SNRPD2: variants seen among roughly 807,000 people sequenced by gnomAD.
The protein encoded by SNRPD2 is small nuclear ribonucleoprotein D2 polypeptide.
In SNRPD2, 1 loss-of-function variant was observed where a neutral mutation model predicts 11.5. That is an observed-to-expected ratio of 0.09 (90% CI 0.03 to 0.41). The LOEUF is 0.41. Ranked by LOEUF, SNRPD2 falls within the 10% of genes least tolerant of loss-of-function variation. The pLI, the probability that SNRPD2 is intolerant of heterozygous loss-of-function variation, is 0.98. For missense variants in SNRPD2, 77 were observed against 154.9 expected (o/e 0.50, Z 2.67); for synonymous variants, 63 against 61.5 (o/e 1.02, Z -0.12).
rs534591723 is a variant in SNRPD2, at chr19:45,688,731, C to T, written c.3-165G>A. Reference sequence around the variant, plus strand: ...TGAGTATCATCAGCTAGATGCCTAACAGACATTTTTTTTTTTTTTGAGACG... The same window carrying T: ...TGAGTATCATCAGCTAGATGCCTAATAGACATTTTTTTTTTTTTTGAGACG... On this transcript the variant is annotated intron_variant, in intron 1 of 2. Coordinates refer to ENST00000342669, the MANE Select transcript of SNRPD2 (RefSeq NM_001384647.1). This position sits in a 1 kb window ranked among gnomAD's most constrained non-coding sequence, Gnocchi z 4.1. Among the ~76,000 whole-genome samples, 1 of 151,878 alleles carries T rather than the reference C, an allele frequency of 6.6e-6. No homozygotes were observed. The highest frequency in any genetic ancestry group is 2.1e-4 in the South Asian group (1 of 4,792).
At chr19:45,692,013 A>C (rs1299887318), upstream of SNRPD2, 8 of 1,607,038 alleles carry the variant, frequency 5.0e-6, no homozygotes, top group South Asian at 5.5e-5. Context: ...CCAACCAGTA[A>C]GTGGAGGCGT....
chr19:45,688,246 G>A lies in SNRPD2; in HGVS notation c.182+141C>T, dbSNP rs147448305. On this transcript the variant is annotated intron_variant, in intron 2 of 2. Coordinates refer to ENST00000342669, the MANE Select transcript of SNRPD2 (RefSeq NM_001384647.1). This position sits in a 1 kb window ranked among gnomAD's most constrained non-coding sequence, Gnocchi z 4.1. The stretch of plus-strand genomic sequence containing the variant: ...GATCTACCCGCCTTGCCTTCCCAAA[G>A]TGCTGGGATTACAGGCATGAGCCAC... 2,902 of 685,766 alleles carry A rather than the reference G, an allele frequency of 4.2e-3. 65 individuals are homozygous for A. In the African/African-American group the frequency reaches 0.045, roughly 11 times the overall value. 42.5% of individuals were successfully genotyped at this position (685,766 alleles called of 1,614,324 possible).
chr19:45,692,221 T>C (rs900606014), upstream of SNRPD2: 4 of 406,464 alleles, frequency 9.8e-6, no homozygotes, highest in South Asian at 3.1e-5. Context: ...TATTTCCAAA[T>C]GCCCGCCGGC....
In SNRPD2 at chr19:45,688,362, A is replaced by C; in HGVS notation, c.182+25T>G. On this transcript the variant is annotated intron_variant, in intron 2 of 2. Coordinates refer to ENST00000342669, the MANE Select transcript of SNRPD2 (RefSeq NM_001384647.1). This position sits in a 1 kb window ranked among gnomAD's most constrained non-coding sequence, Gnocchi z 4.1. ...AGTGGCCTCTCCAGGCCTGCGGAGA[A>C]CACCTCCCAGGACCCAGCACTCACC... 7 of 1,610,330 alleles carry C rather than the reference A, an allele frequency of 4.3e-6. No individual in the cohort carries two copies. Among genetic ancestry groups the C allele is most frequent in the Non-Finnish European group, 5.9e-6 (7 of 1,176,932 alleles).
At chr19:45,691,649 G>A (rs1967557596) in intron 1 of SNRPD2, 7 of 587,876 alleles carry the variant, frequency 1.2e-5, no homozygotes, top group East Asian at 1.1e-4. Flanking sequence ...GGGATCACAG[G>A]AATGAGCCCC....
In SNRPD2 at chr19:45,687,589, G is replaced by A. The variant is rs759353268; in HGVS notation, c.321C>T (p.Ile107=). Reference sequence around the variant, plus strand: ...CGATGAGCGGGTTCCGCAGGACCACGATGACTGAGTCCCCGCGCAGGAACA... The same window carrying A: ...CGATGAGCGGGTTCCGCAGGACCACAATGACTGAGTCCCCGCGCAGGAACA... ...SKMFLRGDSV[I]VVLRNPLIAG... The change falls in exon 3 of 3, where the codon ATC becomes ATT. Residue 107 remains isoleucine, a synonymous_variant. Transcript: ENST00000342669. This position sits in a 1 kb window ranked among gnomAD's most constrained non-coding sequence, Gnocchi z 4.1. 17 of 1,614,108 alleles carry A rather than the reference G, an allele frequency of 1.1e-5. No homozygotes were observed. Among genetic ancestry groups the A allele is most frequent in the African/African-American group, 2.7e-5 (2 of 74,956 alleles).
At chr19:45,690,299 G>T (rs10413179) in intron 1 of SNRPD2, among the ~76,000 whole-genome samples, 105,122 of 137,500 alleles carry the variant, frequency 0.76, 40,271 homozygotes, top group Middle Eastern at 0.84. Flanking sequence ...GCCACTGCAC[G>T]CCAGCCTGGG....
intron 1 of SNRPD2, chr19:45,690,436 G>A (rs1967508509): frequency 6.6e-6 from 1 of 151,596 alleles, no homozygotes; most frequent in Non-Finnish European, 1.5e-5. Flanking sequence ...AGGAGACAGA[G>A]CTCGTGCTAC....
rs756391965 is a variant in SNRPD2 at position 45,687,745 on chromosome 19, G to T, written c.183-18C>A. The T allele has an allele frequency of 6.2e-7, 1 of 1,609,988 alleles. No individual in the cohort carries two copies. Among genetic ancestry groups the T allele is most frequent in the South Asian group, 1.1e-5 (1 of 90,966 alleles). ...TGCAGTGCCTGGTGGGGAACAGGGAGGGGAGGCACTGGGCGTGAGGGGCGT... is the reference window on the plus strand; with the variant it reads ...TGCAGTGCCTGGTGGGGAACAGGGATGGGAGGCACTGGGCGTGAGGGGCGT... On this transcript the variant is annotated intron_variant, in intron 2 of 2. Coordinates refer to ENST00000342669, the MANE Select transcript of SNRPD2 (RefSeq NM_001384647.1). This position sits in a 1 kb window ranked among gnomAD's most constrained non-coding sequence, Gnocchi z 4.1.
upstream of SNRPD2, chr19:45,692,212 A>G: frequency 2.3e-6 from 1 of 430,904 alleles, no homozygotes; most frequent in Non-Finnish European, 4.1e-6. Context: ...ATGACAAGCT[A>G]TTTCCAAATG....
At position 45,688,145 on chromosome 19, in the gene SNRPD2, C is replaced by G. The variant is rs947735362; in HGVS notation, c.182+242G>C. Among the ~76,000 whole-genome samples, 3 of 152,122 alleles carry G rather than the reference C, an allele frequency of 2.0e-5. No individual in the cohort carries two copies. Among genetic ancestry groups the G allele is most frequent in the African/African-American group, 7.2e-5 (3 of 41,436 alleles). On this transcript the variant is annotated intron_variant, in intron 2 of 2. Coordinates refer to ENST00000342669, the MANE Select transcript of SNRPD2 (RefSeq NM_001384647.1). The surrounding 1 kb of genome is among the most constrained non-coding windows in gnomAD (Gnocchi z 4.1). ...GTGAATACAGGCGTGCACCACCACGCCTGGCTTTTATATTTTTAGTAGAGA... is the reference window on the plus strand; with the variant it reads ...GTGAATACAGGCGTGCACCACCACGGCTGGCTTTTATATTTTTAGTAGAGA...
chr19:45,688,458 C>T lies in SNRPD2; in HGVS notation c.111G>A (p.Lys37=), dbSNP rs1967463219. ...GPLSVLTQSV[K]NNTQVLINCR... ...AGTTGATGAGCACTTGGGTATTGTT[C>T]TTGACTGACTGTGTGAGCACAGAGA... The change falls in exon 2 of 3, where the codon AAG becomes AAA. Residue 37 remains lysine (K), a synonymous_variant. Coordinates refer to ENST00000342669, the MANE Select transcript of SNRPD2 (RefSeq NM_001384647.1). The surrounding 1 kb of genome is among the most constrained non-coding windows in gnomAD (Gnocchi z 4.1). The T allele has an allele frequency of 6.2e-6, 10 of 1,614,072 alleles. No individual in the cohort carries two copies. The highest frequency in any genetic ancestry group is 8.5e-6 in the Non-Finnish European group (10 of 1,180,038).
chr19:45,688,530 T>C lies in SNRPD2; in HGVS notation c.39A>G (p.Pro13=). ...CCTCCTCTCGCTTCTGCAGCTCCTC[T>C]GGGGTCATCTCACTCTTGGGCTTGT... ...LLNKPKSEMT[P]EELQKREEEE... The change falls in exon 2 of 3, where the codon CCA becomes CCG. Residue 13 remains proline, a synonymous_variant. Coordinates refer to ENST00000342669, the MANE Select transcript of SNRPD2 (RefSeq NM_001384647.1). This position sits in a 1 kb window ranked among gnomAD's most constrained non-coding sequence, Gnocchi z 4.1. 1 of 1,614,128 alleles carries C rather than the reference T, an allele frequency of 6.2e-7. No individual in the cohort carries two copies.
chr19:45,691,670 C>G, intron 1 of SNRPD2: 3 of 654,496 alleles, frequency 4.6e-6, no homozygotes, highest in Non-Finnish European at 5.5e-6. Context: ...CGCGCCCAGC[C>G]CAGGGCGTTA....
chr19:45,688,279 G>T lies in SNRPD2; in HGVS notation c.182+108C>A. 1 of 945,132 alleles carries T rather than the reference G, an allele frequency of 1.1e-6. No individual in the cohort carries two copies. Among genetic ancestry groups the T allele is most frequent in the South Asian group, 1.6e-5 (1 of 63,046 alleles). 58.5% of individuals were successfully genotyped at this position (945,132 alleles called of 1,614,324 possible). Reference sequence around the variant, plus strand: ...ATTACAGGCATGAGCCACCACGCCTGGCCATACACCCCAGGCTTCTGAGAC... The same window carrying T: ...ATTACAGGCATGAGCCACCACGCCTTGCCATACACCCCAGGCTTCTGAGAC... On this transcript the variant is annotated intron_variant, in intron 2 of 2. Coordinates refer to ENST00000342669, the MANE Select transcript of SNRPD2 (RefSeq NM_001384647.1). The surrounding 1 kb of genome is among the most constrained non-coding windows in gnomAD (Gnocchi z 4.1).
Position 45,688,562 on chromosome 19 carries a change from G to T in SNRPD2, c.7C>A (p.Leu3Ile). 6.2e-7 allele frequency: 1 copy of T among 1,613,772 alleles called. No individual in the cohort carries two copies. Among genetic ancestry groups the T allele is most frequent in the Non-Finnish European group, 8.5e-7 (1 of 1,179,718 alleles). The change falls in exon 2 of 3, where the codon CTC becomes ATC. Residue 3 changes from leucine to isoleucine, a missense_variant. Physicochemically the swap from Leu to Ile is conservative, Grantham distance 5 (BLOSUM62 2). Coordinates refer to ENST00000342669, the MANE Select transcript of SNRPD2 (RefSeq NM_001384647.1). This position sits in a 1 kb window ranked among gnomAD's most constrained non-coding sequence, Gnocchi z 4.1. ...ATCTCACTCTTGGGCTTGTTGAGGA[G>T]GCTCCTGCATGGACAAACATGGAAC... MS[L>I]LNKPKSEMTP...
intron 1 of SNRPD2, among the ~76,000 whole-genome samples, chr19:45,690,316 C>T (rs1381162346): frequency 2.6e-5 from 3 of 116,910 alleles, no homozygotes; most frequent in African/African-American, 6.6e-5. Context: ...TGGGCGACAG[C>T]GAGACTCCGT....
At chr19:45,692,291 AC>A (rs1967582127), upstream of SNRPD2, 1 of 369,728 alleles carries the variant, frequency 2.7e-6, no homozygotes, top group South Asian at 3.1e-5. Context: ...GGAGACAGGC[AC>A]CGCCCCTCTT....
intron 1 of SNRPD2, among the ~76,000 whole-genome samples, chr19:45,691,242 G>A (rs1400747930): frequency 6.6e-6 from 1 of 151,984 alleles, no homozygotes; most frequent in East Asian, 1.9e-4. Flanking sequence ...GCGATCCTCC[G>A]GCCTCAGCCT....
Sources: allele counts gnomAD v4.1 joint callset (sites outside exome capture counted in the v4.1 genomes callset), GRCh38; gene constraint gnomAD v4.1.1; non-coding constraint Gnocchi (gnomAD v3.1); transcripts MANE v1.5; gene names NCBI Gene and HGNC (gene_info 2026-07-23, HGNC 2026-07-21).